Variants in ESRRG observed in about 807,000 individuals in gnomAD.
ESRRG encodes the protein estrogen related receptor gamma, also known as estrogen-related receptor gamma.
ESRRG carries 13 observed loss-of-function variants against 44.0 expected under a neutral mutation model. That is an observed-to-expected ratio of 0.30 (90% CI 0.19 to 0.47). The LOEUF (loss-of-function observed/expected upper bound fraction) is 0.47. ESRRG is among the 20% of genes least tolerant of loss of function. ESRRG has a pLI of 1.00. For missense variants in ESRRG, 395 were observed against 580.6 expected (o/e 0.68, Z 3.29); for synonymous variants, 215 against 214.6 (o/e 1.00, Z -0.02).
At chr1:216,694,706 G>A (rs1466292244) in intron 1 of ESRRG, among the ~76,000 whole-genome samples, 2 of 151,898 alleles carry the variant, frequency 1.3e-5, no homozygotes, top group African/African-American at 4.8e-5. Flanking sequence ...ACAGGTGCGT[G>A]CCACCACACC....
intron 2 of ESRRG, among the ~76,000 whole-genome samples, chr1:216,790,229 C>T (rs1274991300): frequency 6.6e-6 from 1 of 152,084 alleles, no homozygotes; most frequent in Non-Finnish European, 1.5e-5. Context: ...TTATTTACTC[C>T]ACACTATTTT....
At position 216,723,235 on chromosome 1, in the gene ESRRG, G is replaced by T. The variant is rs1161487045; in HGVS notation, c.56+9C>A. ...ACGAGTTTAAAAAGGAAAGAAAAAA[G>T]GTACCTACTCTTCCTCGTAGTGCAG... On this transcript the variant is annotated intron_variant, in intron 1 of 6. Transcript: ENST00000408911. 7.8e-6 allele frequency: 12 copies of T among 1,536,930 alleles called. No homozygotes were observed. Among genetic ancestry groups the T allele is most frequent in the African/African-American group, 1.4e-5 (1 of 71,560 alleles).
chr1:217,108,479 A>G lies in ESRRG; in HGVS notation c.-230+29188T>C, dbSNP rs116265117. On this transcript the variant is annotated intron_variant, in intron 1 of 8. Coordinates refer to the ESRRG transcript ENST00000366940. ...TAGTTTGGATGCTTGTCCCCACCCA[A>G]ATGTCATGTTGAATCATAATCTCCA... 4.1e-3 allele frequency among the ~76,000 whole-genome samples: 617 copies of G among 152,124 alleles called. 9 individuals carry two copies. The highest frequency in any genetic ancestry group is 0.014 in the African/African-American group (575 of 41,502).
intron 1 of ESRRG, among the ~76,000 whole-genome samples, chr1:217,052,227 C>T (rs1411589462): frequency 2.0e-5 from 3 of 152,146 alleles, no homozygotes; most frequent in Non-Finnish European, 4.4e-5. Context: ...GATTTTTAGA[C>T]TGAATTTTAA....
chr1:216,530,074 T>A (rs547709575), intron 5 of ESRRG, among the ~76,000 whole-genome samples: 234 of 126,652 alleles, frequency 1.8e-3, no homozygotes, highest in African/African-American at 7.0e-3. Context: ...ATTGCACAAC[T>A]GCACTCCAGC....
chr1:216,731,959 C>T (rs17043570), intron 2 of ESRRG, among the ~76,000 whole-genome samples: 21,385 of 151,790 alleles, frequency 0.14, 1,552 homozygotes, highest in Middle Eastern at 0.22. Flanking sequence ...ATTCATCCTT[C>T]GATAAATCAG....
At chr1:216,692,322 G>C (rs888588331) in intron 1 of ESRRG, among the ~76,000 whole-genome samples, 38 of 149,250 alleles carry the variant, frequency 2.5e-4, no homozygotes, top group African/African-American at 8.9e-4. Flanking sequence ...ATGTGTGTGT[G>C]TGTGTGTGTG....
chr1:216,743,944 T>A (rs1263634825), intron 2 of ESRRG, among the ~76,000 whole-genome samples: 2 of 152,230 alleles, frequency 1.3e-5, no homozygotes, highest in African/African-American at 4.8e-5. Flanking sequence ...CTTTTGCTCT[T>A]AATCATTATA....
chr1:217,102,342 T>C (rs2092529435), intron 1 of ESRRG, among the ~76,000 whole-genome samples: 1 of 152,220 alleles, frequency 6.6e-6, no homozygotes, highest in Non-Finnish European at 1.5e-5. Context: ...CTCACCACCA[T>C]ACAGCATTGC....
chr1:216,679,516 T>C (rs2076662819), intron 1 of ESRRG, among the ~76,000 whole-genome samples: 1 of 152,190 alleles, frequency 6.6e-6, no homozygotes, highest in Non-Finnish European at 1.5e-5. Flanking sequence ...TTTAGGGTAC[T>C]AAACCATGCT....
intron 2 of ESRRG, among the ~76,000 whole-genome samples, chr1:216,812,691 C>CA (rs1471261750): frequency 1.3e-5 from 2 of 152,110 alleles, no homozygotes; most frequent in African/African-American, 4.8e-5. Context: ...TCTTGCTCAT[C>CA]TTTTTAATCC....
At chr1:216,854,353 C>CAAAAAAAAAAAAAAAAAAAAAA (rs57421256) in intron 2 of ESRRG, among the ~76,000 whole-genome samples, 2 of 67,100 alleles carry the variant, frequency 3.0e-5, no homozygotes, top group African/African-American at 5.9e-5. Flanking sequence ...AAGACACCAT[C>CAAAAAAAAAAAAAAAAAAAAAA]AAAAAAAAAA....
At chr1:216,767,035 A>T (rs537705566) in intron 2 of ESRRG, among the ~76,000 whole-genome samples, 6 of 152,296 alleles carry the variant, frequency 3.9e-5, no homozygotes, top group African/African-American at 9.6e-5. Flanking sequence ...TCTTACAATC[A>T]TATAATCCAA....
intron 1 of ESRRG, among the ~76,000 whole-genome samples, chr1:216,992,179 C>T (rs1020017735): frequency 3.3e-5 from 5 of 152,196 alleles, no homozygotes; most frequent in Non-Finnish European, 5.9e-5. Context: ...AGTGCTTAAG[C>T]TTCCAAGCTG....
At chr1:216,546,503 C>T (rs1031021239) in intron 5 of ESRRG, among the ~76,000 whole-genome samples, 3 of 152,038 alleles carry the variant, frequency 2.0e-5, no homozygotes, top group Non-Finnish European at 4.4e-5. Context: ...CGGTTTAATG[C>T]TCTGTTGTCA....
intron 2 of ESRRG, among the ~76,000 whole-genome samples, chr1:216,661,743 G>C (rs886303077): frequency 2.7e-5 from 4 of 149,802 alleles, no homozygotes; most frequent in Non-Finnish European, 5.9e-5. Context: ...GTTTGTCAGA[G>C]AGGAAAAAAT....
intron 5 of ESRRG, among the ~76,000 whole-genome samples, chr1:216,546,987 A>G (rs1470598690): frequency 6.6e-6 from 1 of 151,432 alleles, no homozygotes; most frequent in Non-Finnish European, 1.5e-5. Flanking sequence ...CCCGGTGTGT[A>G]TGTTCCACTC....
intron 2 of ESRRG, among the ~76,000 whole-genome samples, chr1:216,801,501 ACATATAAGTGAGAT>A (rs2094616761): frequency 1.3e-5 from 2 of 152,080 alleles, no homozygotes; most frequent in Non-Finnish European, 2.9e-5. Flanking sequence ...CAAAGATTCC[ACATATAAGTGAGAT>A]CATCCAGTAT....
At chr1:217,026,910 CACAGAGAGAGAGAGAGAGAG>C (rs1376737529) in intron 1 of ESRRG, among the ~76,000 whole-genome samples, 1 of 97,190 alleles carries the variant, frequency 1.0e-5, no homozygotes, top group Non-Finnish European at 2.1e-5. Flanking sequence ...CACACACACA[CACAGAGAGAGAGAGAGAGAG>C]AGAGAGAGAG....
Sources: gnomAD v4.1 joint callset for allele counts (sites outside exome capture counted in the v4.1 genomes callset) on GRCh38, gnomAD v4.1.1 for gene constraint, MANE v1.5 for transcripts, NCBI Gene and HGNC (gene_info 2026-07-23, HGNC 2026-07-21) for gene names.